The following ANGPTL1 variants were observed in gnomAD, a reference collection of about 807,000 sequenced individuals.
ANGPTL1 encodes the protein angiopoietin like 1, also known as angiopoietin-related protein 1.
In ANGPTL1, 36 loss-of-function variants were observed where a neutral mutation model predicts 46.7. The observed-to-expected ratio is 0.77, with a 90% CI of 0.59 to 1.02. The LOEUF (loss-of-function observed/expected upper bound fraction) is 1.02, where lower values mean the gene tolerates loss of function less well. Among genes scored for constraint, ANGPTL1 ranks in the 50% least tolerant of loss-of-function variants. The probability of loss-of-function intolerance (pLI) is 0.00; values close to 1 mark genes in which losing one functional copy is unlikely to be tolerated. For missense variants in ANGPTL1, 571 were observed against 594.7 expected, an observed-to-expected ratio of 0.96 and a Z score of 0.41; for synonymous variants, 221 against 204.3, an observed-to-expected ratio of 1.08 and a Z score of -0.69.
At chr1:178,855,245 T>A (rs1002696444) in intron 3 of ANGPTL1, among the ~76,000 whole-genome samples, 3 of 151,818 alleles carry the variant, frequency 2.0e-5, no homozygotes, top group Admixed American at 1.3e-4. Context: ...ATAGAAGGGA[T>A]TCTTAGAGAC....
intron 5 of ANGPTL1, 81 bp from the exon 6 acceptor site, chr1:178,851,397 C>G (rs776661592): frequency 6.9e-4 from 901 of 1,299,376 alleles, no homozygotes; most frequent in Admixed American, 1.6e-3. Flanking sequence ...CTTATTCTAC[C>G]TTTAATTTGA....
At chr1:178,860,272 A>G (rs78388358) in intron 3 of ANGPTL1, among the ~76,000 whole-genome samples, 6,654 of 151,554 alleles carry the variant, frequency 0.044, 252 homozygotes, top group African/African-American at 0.1. Context: ...TGTCAGGTGT[A>G]TTATTACATT....
chr1:178,854,597 A>G (rs929000263), intron 3 of ANGPTL1, among the ~76,000 whole-genome samples: 1 of 152,064 alleles, frequency 6.6e-6, no homozygotes, highest in Non-Finnish European at 1.5e-5. Context: ...ACTAATAGTA[A>G]TTTTCTCATT....
In ANGPTL1 at chr1:178,852,906, A is replaced by G. The variant is rs1355547175; in HGVS notation, c.1065T>C (p.Asn355=). ...IDGEYWLGLE[N]IYMLSNQDNY... is the part of the protein sequence containing the mutation. Reference sequence around the variant, plus strand: ...TATCTTGATTGCTAAGCATATAGATATTTTCCAGTCCAAGCCAGTATTCTC... The same window carrying G: ...TATCTTGATTGCTAAGCATATAGATGTTTTCCAGTCCAAGCCAGTATTCTC... The change falls in exon 5 of 6, where the codon AAT becomes AAC. Residue 355 remains asparagine, a synonymous_variant. Transcript: ENST00000234816. 3.7e-6 allele frequency: 6 copies of G among 1,613,700 alleles called. No homozygotes were observed. The highest frequency in any genetic ancestry group is 5.1e-6 in the Non-Finnish European group (6 of 1,179,772).
At chr1:178,870,501 A>G (rs1658688366) in intron 1 of ANGPTL1, among the ~76,000 whole-genome samples, 1 of 152,202 alleles carries the variant, frequency 6.6e-6, no homozygotes, top group Non-Finnish European at 1.5e-5. Context: ...TGCATGTATC[A>G]GTCTGTAATC....
At position 178,852,736 on chromosome 1, in the gene ANGPTL1, C is replaced by T; in HGVS notation, c.1235G>A (p.Trp412Ter). 1 of 1,613,710 alleles carries T rather than the reference C, an allele frequency of 6.2e-7. No homozygotes were observed. The highest frequency in any genetic ancestry group is 8.5e-7 in the Non-Finnish European group (1 of 1,179,748). ...YQGNAGDSMM[W>*]HNGKQFTTLD... ...TGTGGTGAATTGTTTACCATTATGC[C>T]ACATCATAGAATCCCCTGCATTTCC... The change falls in exon 5 of 6, where the codon TGG (tryptophan) becomes TAG (stop). Residue 412 changes from tryptophan to a stop codon, truncating the protein, a stop_gained. Transcript: ENST00000234816. LOFTEE classifies it high-confidence loss of function.
intron 5 of ANGPTL1, 118 bp from the exon 6 acceptor site, chr1:178,851,434 T>G: frequency 1.1e-6 from 1 of 892,972 alleles, no homozygotes; most frequent in Non-Finnish European, 1.6e-6. Context: ...CCAGTTACCT[T>G]TATCTCAGCA....
chr1:178,853,125 C>CTTTT (rs1558150461), intron 4 of ANGPTL1, 172 bp from the exon 5 acceptor site: 1 of 985,218 alleles, frequency 1.0e-6, no homozygotes, highest in African/African-American at 1.7e-5. Context: ...TTGTCATTCT[C>CTTTT]TTTTTGTTTG....
At chr1:178,863,895 C>G (rs1462408919) in intron 3 of ANGPTL1, among the ~76,000 whole-genome samples, 4 of 152,100 alleles carry the variant, frequency 2.6e-5, no homozygotes, top group African/African-American at 9.7e-5. Context: ...TCTTTCTAGT[C>G]TTTAGTCTGT....
intron 2 of ANGPTL1, among the ~76,000 whole-genome samples, chr1:178,866,690 T>C (rs1658433148): frequency 6.6e-6 from 1 of 152,138 alleles, no homozygotes; most frequent in Non-Finnish European, 1.5e-5. Context: ...AAGAACCTCT[T>C]TGTACTCTGT....
intron 3 of ANGPTL1, among the ~76,000 whole-genome samples, chr1:178,861,962 C>T (rs192955780): frequency 1.1e-3 from 162 of 151,826 alleles, no homozygotes; most frequent in African/African-American, 3.6e-3. Flanking sequence ...AACCTCCGCC[C>T]CCCAGGTTCA....
At chr1:178,860,810 G>A (rs1444324327) in intron 3 of ANGPTL1, among the ~76,000 whole-genome samples, 3 of 152,128 alleles carry the variant, frequency 2.0e-5, no homozygotes, top group Admixed American at 2.0e-4. Flanking sequence ...TACAGTAATA[G>A]GAATTTCTTG....
At chr1:178,869,658 CA>C (rs1389632350) in intron 1 of ANGPTL1, among the ~76,000 whole-genome samples, 1 of 152,000 alleles carries the variant, frequency 6.6e-6, no homozygotes, top group Non-Finnish European at 1.5e-5. Context: ...CCAGCATTTA[CA>C]GTTTTAAATC....
At chr1:178,856,420 T>TTTTTTTTTTTTTTTG (rs1558152822) in intron 3 of ANGPTL1, among the ~76,000 whole-genome samples, 1 of 120,566 alleles carries the variant, frequency 8.3e-6, no homozygotes, top group African/African-American at 3.5e-5. Flanking sequence ...TTTTTTTTTT[T>TTTTTTTTTTTTTTTG]TTTTTTGAGA....
chr1:178,869,885 G>A (rs529782147), intron 1 of ANGPTL1, among the ~76,000 whole-genome samples: 2 of 152,102 alleles, frequency 1.3e-5, no homozygotes, highest in South Asian at 4.1e-4. Context: ...AAAGCTCCCA[G>A]ATAGAATATT....
At chr1:178,853,364 C>T (rs1657308462) in intron 4 of ANGPTL1, among the ~76,000 whole-genome samples, 1 of 152,036 alleles carries the variant, frequency 6.6e-6, no homozygotes, top group Non-Finnish European at 1.5e-5. Flanking sequence ...ATAAGTCATC[C>T]AGACTGAAAG....
chr1:178,869,473 G>T (rs977863644), intron 1 of ANGPTL1, among the ~76,000 whole-genome samples: 2 of 152,034 alleles, frequency 1.3e-5, no homozygotes, highest in Admixed American at 6.6e-5. Context: ...GTAATTTGGG[G>T]TTCAGATTAA....
intron 2 of ANGPTL1, among the ~76,000 whole-genome samples, chr1:178,866,237 G>A (rs983857283): frequency 6.6e-5 from 10 of 152,264 alleles, no homozygotes; most frequent in African/African-American, 2.4e-4. Flanking sequence ...TGCCTAACTA[G>A]TATTAAAATT....
At chr1:178,870,194 G>T (rs565600918) in intron 1 of ANGPTL1, among the ~76,000 whole-genome samples, 2 of 152,096 alleles carry the variant, frequency 1.3e-5, no homozygotes, top group African/African-American at 4.8e-5. Context: ...ATCTGTACAA[G>T]AATTTCTGCT....
Sources: gnomAD v4.1 joint callset for allele counts (sites outside exome capture counted in the v4.1 genomes callset) on GRCh38, gnomAD v4.1.1 for gene constraint, MANE v1.5 for transcripts, NCBI Gene and HGNC (gene_info 2026-07-23, HGNC 2026-07-21) for gene names.